Variants in SLC24A2 observed in about 807,000 individuals in gnomAD.
SLC24A2 encodes the protein sodium/potassium/calcium exchanger 2.
Under a neutral mutation model 62.0 loss-of-function variants are expected in SLC24A2, and 36 were observed. That is an observed-to-expected ratio of 0.58 (90% CI 0.44 to 0.77). SLC24A2 has a LOEUF of 0.77. Among genes scored for constraint, SLC24A2 ranks in the 30% least tolerant of loss-of-function variants. The pLI is 0.00. For missense variants in SLC24A2, 846 were observed against 817.9 expected, an observed-to-expected ratio of 1.03 and a Z score of -0.42; for synonymous variants, 358 against 294.0, an observed-to-expected ratio of 1.22 and a Z score of -2.23.
the SLC24A2 span, among the ~76,000 whole-genome samples, chr9:20,003,948 T>C: frequency 6.6e-6 from 1 of 151,218 alleles, no homozygotes; most frequent in Non-Finnish European, 1.5e-5. Context: ...CAACTGCATA[T>C]ATGTATATGT....
chr9:19,673,089 G>T (rs1257915736), intron 2 of SLC24A2, among the ~76,000 whole-genome samples: 1 of 146,262 alleles, frequency 6.8e-6, no homozygotes, highest in Non-Finnish European at 1.5e-5. Flanking sequence ...TTGTTTCTTT[G>T]TTGACCTTTT....
chr9:20,084,496 C>T, the SLC24A2 span, among the ~76,000 whole-genome samples: 1 of 150,102 alleles, frequency 6.7e-6, no homozygotes, highest in East Asian at 1.9e-4. Context: ...CCCTCCCTCC[C>T]TCTCCCACCC....
intron 2 of SLC24A2, among the ~76,000 whole-genome samples, chr9:19,669,363 C>T (rs947838623): frequency 3.3e-5 from 5 of 152,124 alleles, no homozygotes; most frequent in African/African-American, 1.2e-4. Flanking sequence ...CCCAGCAATA[C>T]TAACGGCCCT....
At chr9:19,845,472 T>G in the SLC24A2 span, among the ~76,000 whole-genome samples, 3 of 152,132 alleles carry the variant, frequency 2.0e-5, no homozygotes, top group Non-Finnish European at 4.4e-5. Flanking sequence ...GAGAGATAGT[T>G]TGATTTCTTG....
chr9:19,906,880 C>T, the SLC24A2 span, among the ~76,000 whole-genome samples: 8 of 152,204 alleles, frequency 5.3e-5, no homozygotes, highest in East Asian at 1.9e-4. Flanking sequence ...GATTCACAGC[C>T]GAATTCTACC....
the SLC24A2 span, among the ~76,000 whole-genome samples, chr9:20,130,954 T>A: frequency 2.4e-4 from 36 of 151,368 alleles, no homozygotes; most frequent in Non-Finnish European, 4.9e-4. Flanking sequence ...AGCATGACTT[T>A]CCTGCCCTTA....
chr9:19,606,651 C>G (rs1836991742), intron 4 of SLC24A2, among the ~76,000 whole-genome samples: 1 of 151,670 alleles, frequency 6.6e-6, no homozygotes, highest in Non-Finnish European at 1.5e-5. Context: ...AGAACACACA[C>G]ACACACGCAC....
chr9:20,055,797 G>A, the SLC24A2 span, among the ~76,000 whole-genome samples: 3 of 152,220 alleles, frequency 2.0e-5, no homozygotes, highest in South Asian at 4.2e-4. Context: ...GCTGAGGCAG[G>A]AGAATCGCTT....
chr9:19,558,296 T>G (rs1002027100), intron 7 of SLC24A2, among the ~76,000 whole-genome samples: 2 of 152,128 alleles, frequency 1.3e-5, no homozygotes, highest in African/African-American at 2.4e-5. Context: ...AGTTCCTAGG[T>G]GCAAATTTAA....
chr9:19,893,525 G>A, the SLC24A2 span, among the ~76,000 whole-genome samples: 22 of 152,158 alleles, frequency 1.4e-4, no homozygotes, highest in Non-Finnish European at 2.9e-4. Context: ...TATTATAATA[G>A]TAGCTACTGT....
intron 5 of SLC24A2, among the ~76,000 whole-genome samples, chr9:19,593,746 C>A (rs1836624232): frequency 6.6e-6 from 1 of 151,956 alleles, no homozygotes; most frequent in Non-Finnish European, 1.5e-5. Flanking sequence ...CAGTGGAACC[C>A]AAAGGGCGGG....
the SLC24A2 span, among the ~76,000 whole-genome samples, chr9:20,075,039 C>T: frequency 1.5e-4 from 23 of 152,252 alleles, no homozygotes; most frequent in African/African-American, 5.5e-4. Context: ...CTCTAAAATT[C>T]TGATTTTCTG....
chr9:19,789,016 G>T lies in SLC24A2; in HGVS notation c.-285C>A, dbSNP rs997500404. On this transcript the variant is annotated 5_prime_UTR_variant, in exon 1 of 11. Transcript: ENST00000341998. ...GCACTGGCTGCCGCTCTCGCCAGCC[G>T]GGCTGGGTTCGGGAGGAGACTGAGC... 9 of 922,452 alleles carry T rather than the reference G, an allele frequency of 9.8e-6. No individual in the cohort carries two copies. In the East Asian group the frequency reaches 9.4e-4, roughly 96 times the overall value. 57.1% of individuals were successfully genotyped at this position (922,452 alleles called of 1,614,324 possible).
chr9:19,617,797 T>C (rs1188821375), intron 4 of SLC24A2, among the ~76,000 whole-genome samples: 2 of 152,230 alleles, frequency 1.3e-5, no homozygotes, highest in African/African-American at 4.8e-5. Context: ...AGCCACTGAA[T>C]GTTATAAGTA....
At chr9:19,662,317 A>T (rs775445957) in intron 2 of SLC24A2, among the ~76,000 whole-genome samples, 1 of 152,222 alleles carries the variant, frequency 6.6e-6, no homozygotes, top group Admixed American at 6.5e-5. Context: ...GTGTGTTAAT[A>T]CAACACATTT....
chr9:19,785,795 G>C, intron 2 of SLC24A2, 142 bp downstream of exon 2: 2 of 1,063,748 alleles, frequency 1.9e-6, no homozygotes, highest in Middle Eastern at 2.0e-4. Flanking sequence ...TGTTAGTCTA[G>C]CTATCACAGA....
chr9:19,565,860 G>A (rs1204087874), intron 7 of SLC24A2, among the ~76,000 whole-genome samples: 1 of 151,776 alleles, frequency 6.6e-6, no homozygotes, highest in Non-Finnish European at 1.5e-5. Flanking sequence ...AACAAGAAAT[G>A]GGGAAAGGAT....
the SLC24A2 span, among the ~76,000 whole-genome samples, chr9:20,196,550 A>C: frequency 6.6e-6 from 1 of 152,216 alleles, no homozygotes; most frequent in Non-Finnish European, 1.5e-5. Flanking sequence ...AGTGGCTCTG[A>C]GCCATTTATA....
At chr9:19,722,532 G>A (rs901113953) in intron 2 of SLC24A2, among the ~76,000 whole-genome samples, 9 of 151,984 alleles carry the variant, frequency 5.9e-5, no homozygotes, top group African/African-American at 1.9e-4. Context: ...TGCAGGATAA[G>A]TCAAGATAAT....
Sources: allele counts gnomAD v4.1 joint callset (sites outside exome capture counted in the v4.1 genomes callset), GRCh38; gene constraint gnomAD v4.1.1; transcripts MANE v1.5; gene names NCBI Gene and HGNC (gene_info 2026-07-23, HGNC 2026-07-21).